Variants in ATF7 observed in about 807,000 individuals in gnomAD.
The protein encoded by ATF7 is activating transcription factor 7.
ATF7 carries 10 observed loss-of-function variants against 50.4 expected under a neutral mutation model. The observed-to-expected ratio is 0.20, with a 90% CI of 0.12 to 0.34. ATF7 has a LOEUF of 0.34. Among genes scored for constraint, ATF7 ranks in the 10% least tolerant of loss-of-function variants. The pLI, the probability that ATF7 is intolerant of heterozygous loss-of-function variation, is 1.00. For synonymous variants in ATF7, 201 were observed against 226.4 expected (o/e 0.89, Z 1.01); for missense variants, 465 against 613.9 (o/e 0.76, Z 2.56).
At chr12:53,534,475 C>G (rs763788012) in intron 6 of ATF7, 27 bp downstream of exon 6, 7 of 1,613,258 alleles carry the variant, frequency 4.3e-6, no homozygotes, top group Middle Eastern at 1.6e-4. Flanking sequence ...GCAGCCTTCA[C>G]TACTTCTCCC....
At chr12:53,571,198 G>C (rs1403875442) in intron 2 of ATF7, among the ~76,000 whole-genome samples, 3 of 151,976 alleles carry the variant, frequency 2.0e-5, no homozygotes, top group Admixed American at 1.3e-4. Context: ...GCAGCAACTA[G>C]AAGCTGGAAG....
intron 2 of ATF7, among the ~76,000 whole-genome samples, chr12:53,599,956 A>G (rs1195118577): frequency 6.6e-6 from 1 of 152,234 alleles, no homozygotes; most frequent in Non-Finnish European, 1.5e-5. Flanking sequence ...AAATGAAAAA[A>G]AAAGGCGATT....
intron 1 of ATF7, 141 bp from the exon 2 acceptor site, chr12:53,601,162 G>A: frequency 1.6e-6 from 1 of 623,884 alleles, no homozygotes; most frequent in Non-Finnish European, 2.8e-6. Flanking sequence ...AGGCTACTTT[G>A]GGGAGACCCA....
Position 53,531,806 on chromosome 12 carries a change from G to C in ATF7, c.865C>G (p.Arg289Gly), listed in dbSNP as rs775588703. The C allele has an allele frequency of 1.9e-6, 3 of 1,612,820 alleles. No individual in the cohort carries two copies. The Admixed American group carries it at 5.0e-5, about 27-fold the overall frequency. Residue 289 changes from arginine to glycine, a missense_variant, in exon 9 of 12, where the codon CGC becomes GGC. Arg to Gly is a moderately radical substitution (Grantham distance 125). Transcript: ENST00000420353. ...VGTASTMVTARPEQSQILIQH... is the reference protein window; with the variant it reads ...VGTASTMVTAGPEQSQILIQH... ...ATGAGAATCTGGCTCTGCTCTGGGC[G>C]GGCTGTCACCATGGTGCTGGCAGTA...
At chr12:53,537,143 C>T (rs1175072231) in intron 5 of ATF7, among the ~76,000 whole-genome samples, 1 of 151,658 alleles carries the variant, frequency 6.6e-6, no homozygotes, top group African/African-American at 2.4e-5. Context: ...AATCACAGCT[C>T]ACTGCAGCCT....
chr12:53,577,112 T>C (rs935288570), intron 2 of ATF7, among the ~76,000 whole-genome samples: 1 of 151,942 alleles, frequency 6.6e-6, no homozygotes, highest in Non-Finnish European at 1.5e-5. Flanking sequence ...AGACTGGACA[T>C]AGCTGAGCAA....
At chr12:53,598,681 A>ATAAGTGGATTTTGTGTGT (rs1437238859) in intron 2 of ATF7, among the ~76,000 whole-genome samples, 2 of 152,360 alleles carry the variant, frequency 1.3e-5, no homozygotes, top group Admixed American at 6.5e-5. Context: ...TTCAGTGGAT[A>ATAAGTGGATTTTGTGTGT]CTACTCTTTT....
chr12:53,567,043 C>A (rs939907413), intron 2 of ATF7, among the ~76,000 whole-genome samples: 1 of 152,190 alleles, frequency 6.6e-6, no homozygotes, highest in African/African-American at 2.4e-5. Context: ...TGAGCCATTG[C>A]GCCCAGCCTG....
intron 9 of ATF7, among the ~76,000 whole-genome samples, chr12:53,525,949 G>A (rs1290412470): frequency 6.6e-6 from 1 of 152,204 alleles, no homozygotes; most frequent in South Asian, 2.1e-4. Context: ...GGTGGCTCAT[G>A]CCTGTAATCC....
At chr12:53,537,307 G>C in intron 5 of ATF7, 108 bp downstream of exon 5, 1 of 1,359,084 alleles carries the variant, frequency 7.4e-7, no homozygotes, top group African/African-American at 1.5e-5. Context: ...GGGCTCAAGT[G>C]ATTCTCCCAT....
intron 4 of ATF7, among the ~76,000 whole-genome samples, chr12:53,537,883 T>C (rs968423544): frequency 6.6e-6 from 1 of 152,158 alleles, no homozygotes; most frequent in Non-Finnish European, 1.5e-5. Flanking sequence ...CAGCTAATTT[T>C]TTATTTTTAA....
chr12:53,618,814 C>T (rs1944254799), intron 1 of ATF7, among the ~76,000 whole-genome samples: 2 of 151,682 alleles, frequency 1.3e-5, no homozygotes, highest in Non-Finnish European at 1.5e-5. Flanking sequence ...CACTTTGGGA[C>T]GCTGAGGTAG....
chr12:53,542,107 G>GTCTTTTTTTTT (rs1939590468), intron 4 of ATF7, among the ~76,000 whole-genome samples: 1 of 101,450 alleles, frequency 9.9e-6, no homozygotes, highest in East Asian at 3.9e-4. Context: ...CGCCTGGCCT[G>GTCTTTTTTTTT]TTTTTTTTTT....
intron 2 of ATF7, among the ~76,000 whole-genome samples, chr12:53,578,895 T>C (rs1291391140): frequency 6.6e-6 from 1 of 152,080 alleles, no homozygotes; most frequent in Non-Finnish European, 1.5e-5. Context: ...GTGCTGTGTA[T>C]TGAGATCTGC....
chr12:53,535,617 A>G (rs1939173809), intron 5 of ATF7, among the ~76,000 whole-genome samples: 1 of 152,190 alleles, frequency 6.6e-6, no homozygotes, highest in African/African-American at 2.4e-5. Context: ...TACAATTTAT[A>G]TACTTTTCTG....
At chr12:53,539,349 T>C (rs1299928842) in intron 4 of ATF7, among the ~76,000 whole-genome samples, 1 of 152,026 alleles carries the variant, frequency 6.6e-6, no homozygotes, top group Non-Finnish European at 1.5e-5. Flanking sequence ...GAGGCCAAGG[T>C]GGGAGGATCA....
At chr12:53,517,597 C>A (rs1253097857) in intron 11 of ATF7, 1 of 537,394 alleles carries the variant, frequency 1.9e-6, no homozygotes, top group Non-Finnish European at 3.4e-6. Context: ...AAATGAATCT[C>A]CAACATGTTA....
intron 2 of ATF7, among the ~76,000 whole-genome samples, chr12:53,600,034 A>C (rs541166655): frequency 6.6e-6 from 1 of 152,248 alleles, no homozygotes; most frequent in Non-Finnish European, 1.5e-5. Context: ...ATATGAATAT[A>C]ATTACGTGAC....
chr12:53,571,997 A>G (rs1288950881), intron 2 of ATF7, among the ~76,000 whole-genome samples: 2 of 151,690 alleles, frequency 1.3e-5, no homozygotes, highest in Non-Finnish European at 2.9e-5. Context: ...AACCTGAGAG[A>G]CGGAGGTTGC....
Sources: allele counts gnomAD v4.1 joint callset (sites outside exome capture counted in the v4.1 genomes callset), GRCh38; gene constraint gnomAD v4.1.1; transcripts MANE v1.5; gene names NCBI Gene and HGNC (gene_info 2026-07-23, HGNC 2026-07-21).